HMOX2: variants seen among roughly 807,000 people sequenced by gnomAD.
HMOX2 encodes heme oxygenase 2, also known as heme oxygenase (decycling) 2.
HMOX2 carries 30 observed loss-of-function variants against 33.7 expected under a neutral mutation model. That is an observed-to-expected ratio of 0.89 (90% CI 0.67 to 1.21). The LOEUF is 1.21. Ranked by LOEUF, HMOX2 falls within the 50% of genes most tolerant of loss-of-function variation. HMOX2 has a pLI of 0.00. For missense variants in HMOX2, 403 were observed against 399.1 expected (o/e 1.01, Z -0.08); for synonymous variants, 155 against 155.0 (o/e 1.00, Z 0.00).
intron 1 of HMOX2, chr16:4,488,733 A>G (rs2058235209): frequency 6.5e-6 from 1 of 152,780 alleles, no homozygotes; most frequent in South Asian, 2.1e-4. Flanking sequence ...ACAGATGTAG[A>G]CATCAAGGAG....
intron 1 of HMOX2, among the ~76,000 whole-genome samples, chr16:4,480,320 T>C (rs535417794): frequency 6.6e-6 from 1 of 150,528 alleles, no homozygotes; most frequent in South Asian, 2.1e-4. Context: ...AGTGCTAGTA[T>C]TACAGGCGTG....
At chr16:4,477,706 G>A (rs1049408815) in intron 1 of HMOX2, among the ~76,000 whole-genome samples, 2 of 151,686 alleles carry the variant, frequency 1.3e-5, no homozygotes, top group Non-Finnish European at 2.9e-5. Context: ...ATCACCTGAG[G>A]TCAGGAGTTC....
chr16:4,487,808 G>A (rs1460107648), intron 1 of HMOX2, among the ~76,000 whole-genome samples: 1 of 150,676 alleles, frequency 6.6e-6, no homozygotes, highest in Non-Finnish European at 1.5e-5. Flanking sequence ...AAAATTAGCC[G>A]GGCGCGGTGG....
chr16:4,494,272 C>T (rs1304534018), intron 1 of HMOX2, among the ~76,000 whole-genome samples: 1 of 150,060 alleles, frequency 6.7e-6, no homozygotes, highest in Non-Finnish European at 1.5e-5. Flanking sequence ...GCCGAGATAG[C>T]ACCACTGCAC....
upstream of HMOX2, chr16:4,474,921 A>G (rs1247608830): frequency 1.3e-5 from 2 of 151,852 alleles, no homozygotes; most frequent in African/African-American, 4.8e-5. Flanking sequence ...TCCGCTTGAT[A>G]TTTTCTTTGC....
intron 1 of HMOX2, among the ~76,000 whole-genome samples, chr16:4,503,428 G>C (rs1426044214): frequency 6.6e-6 from 1 of 152,186 alleles, no homozygotes; most frequent in Non-Finnish European, 1.5e-5. Flanking sequence ...CTTCTAGACT[G>C]TGCTGTGCAT....
intron 1 of HMOX2, among the ~76,000 whole-genome samples, chr16:4,498,982 A>G (rs144988671): frequency 3.1e-4 from 47 of 152,340 alleles, no homozygotes; most frequent in Non-Finnish European, 5.1e-4. Context: ...GGCATCTGCA[A>G]TGTGGGTATT....
At chr16:4,485,500 A>T (rs2058145174) in intron 1 of HMOX2, among the ~76,000 whole-genome samples, 1 of 152,164 alleles carries the variant, frequency 6.6e-6, no homozygotes, top group African/African-American at 2.4e-5. Flanking sequence ...GAGTTTTGAG[A>T]GGCCAGGGAA....
At position 4,487,968 on chromosome 16, in the gene HMOX2, A is replaced by G. The variant is rs540995090; in HGVS notation, c.-42+11481A>G. 9.9e-4 allele frequency among the ~76,000 whole-genome samples: 150 copies of G among 151,130 alleles called. 1 individual carries two copies. Among genetic ancestry groups the G allele is most frequent in the Middle Eastern group, 6.8e-3 (2 of 294 alleles). On this transcript the variant is annotated intron_variant, in intron 1 of 5. Coordinates refer to ENST00000570646, the MANE Select transcript of HMOX2 (RefSeq NM_002134.4). ...CTCTGTCTCAAAAAAAAAAAAAAAA[A>G]AAAATGTAGCCGGGTGTGGTTTTGC... is the stretch of plus-strand genomic sequence containing the variant.
intron 1 of HMOX2, among the ~76,000 whole-genome samples, chr16:4,494,099 G>A (rs918154992): frequency 1.7e-4 from 26 of 151,910 alleles, no homozygotes; most frequent in African/African-American, 5.1e-4. Flanking sequence ...GGTGGATCAC[G>A]AGGTCAGGAG....
At position 4,508,209 on chromosome 16, in the gene HMOX2, T is replaced by C; in HGVS notation, c.696+5T>C. 1 of 1,591,956 alleles carries C rather than the reference T, an allele frequency of 6.3e-7. No individual in the cohort carries two copies. The highest frequency in any genetic ancestry group is 8.6e-7 in the Non-Finnish European group (1 of 1,168,550). On this transcript the variant is annotated splice_donor_5th_base_variant and intron_variant, in intron 4 of 5. Transcript: ENST00000570646. Reference sequence around the variant, plus strand: ...GCTTTTGAGTATAACATGCAGGTACTATTGGGGGCTGCCAGCTGCTAGGGC... The same window carrying C: ...GCTTTTGAGTATAACATGCAGGTACCATTGGGGGCTGCCAGCTGCTAGGGC...
At position 4,493,629 on chromosome 16, in the gene HMOX2, G is replaced by C. The variant is rs1012229441; in HGVS notation, c.-41-11855G>C. ...ATCTATGTGCTGCCTCTTGGCCTCT[G>C]TGTGGCCAGTAGATTCTCTCATGGC... On this transcript the variant is annotated intron_variant, in intron 1 of 5. Coordinates refer to ENST00000570646, the MANE Select transcript of HMOX2 (RefSeq NM_002134.4). Among the ~76,000 whole-genome samples, 22 of 152,216 alleles carry C rather than the reference G, an allele frequency of 1.4e-4. 1 individual carries two copies. Among genetic ancestry groups the C allele is most frequent in the Admixed American group, 1.2e-3 (19 of 15,284 alleles).
At chr16:4,477,499 A>C (rs1422419864) in intron 1 of HMOX2, among the ~76,000 whole-genome samples, 2 of 23,248 alleles carry the variant, frequency 8.6e-5, no homozygotes, top group Non-Finnish European at 3.1e-4. Flanking sequence ...ACTCCATCTA[A>C]AAAAAAAAAA....
chr16:4,495,136 G>A (rs970905704), intron 1 of HMOX2, among the ~76,000 whole-genome samples: 1 of 152,214 alleles, frequency 6.6e-6, no homozygotes, highest in African/African-American at 2.4e-5. Flanking sequence ...AGTCCTATGG[G>A]ACGTTGTCAT....
chr16:4,481,372 A>C (rs1377305058), intron 1 of HMOX2, among the ~76,000 whole-genome samples: 9 of 151,996 alleles, frequency 5.9e-5, no homozygotes, highest in Non-Finnish European at 1.3e-4. Context: ...AAAAGAAAAA[A>C]ATAAAACAAT....
chr16:4,481,238 A>G (rs1041157621), intron 1 of HMOX2, among the ~76,000 whole-genome samples: 1 of 151,096 alleles, frequency 6.6e-6, no homozygotes, highest in African/African-American at 2.4e-5. Flanking sequence ...AGTCCCGGCT[A>G]CTCGGGAGGC....
At chr16:4,480,861 T>C (rs7200280) in intron 1 of HMOX2, among the ~76,000 whole-genome samples, 101,706 of 149,424 alleles carry the variant, frequency 0.68, 35,094 homozygotes, top group Non-Finnish European at 0.74. Flanking sequence ...ACCATGTTAG[T>C]CAGGCTGGTC....
chr16:4,489,471 A>T (rs116143641), intron 1 of HMOX2, among the ~76,000 whole-genome samples: 11,959 of 151,942 alleles, frequency 0.079, 778 homozygotes, highest in African/African-American at 0.17. Context: ...ATTTTTAAAA[A>T]TTTTTTGAAA....
At chr16:4,500,922 G>C (rs2058542748) in intron 1 of HMOX2, among the ~76,000 whole-genome samples, 1 of 152,194 alleles carries the variant, frequency 6.6e-6, no homozygotes, top group African/African-American at 2.4e-5. Flanking sequence ...GAGGTGAACA[G>C]CTAGGAGTAC....
Sources: gnomAD v4.1 joint callset for allele counts (sites outside exome capture counted in the v4.1 genomes callset) on GRCh38, gnomAD v4.1.1 for gene constraint, MANE v1.5 for transcripts, NCBI Gene and HGNC (gene_info 2026-07-23, HGNC 2026-07-21) for gene names.